Variants in TRERF1 observed in about 807,000 individuals in gnomAD.
TRERF1 encodes transcriptional-regulating factor 1.
In TRERF1, 27 loss-of-function variants were observed where a neutral mutation model predicts 122.9. That is an observed-to-expected ratio of 0.22 (90% CI 0.16 to 0.30). The LOEUF (loss-of-function observed/expected upper bound fraction) is 0.30, where lower values mean the gene tolerates loss of function less well. Among genes scored for constraint, TRERF1 ranks in the 10% least tolerant of loss-of-function variants. The probability of loss-of-function intolerance (pLI) is 1.00; values close to 1 mark genes in which losing one functional copy is unlikely to be tolerated. For missense variants in TRERF1, 1,248 were observed against 1,560.3 expected (o/e 0.80, Z 3.37); for synonymous variants, 636 against 641.7 (o/e 0.99, Z 0.13).
chr6:42,259,238 G>T lies in TRERF1; in HGVS notation c.2269+101C>A. ...GCGTGCTACATACAGCCAATACTCC[G>T]CAAAAGTCTGTGGGATAAATGAGAA... On this transcript the variant is annotated intron_variant, in intron 9 of 17. Coordinates refer to ENST00000372922, the Ensembl canonical transcript of TRERF1. The surrounding 1 kb of genome is among the most constrained non-coding windows in gnomAD (Gnocchi z 4.9). 1.4e-6 allele frequency: 2 copies of T among 1,414,336 alleles called. No homozygotes were observed. Among genetic ancestry groups the T allele is most frequent in the African/African-American group, 1.4e-5 (1 of 69,690 alleles). 87.6% of individuals were successfully genotyped at this position (1,414,336 alleles called of 1,614,324 possible). A position where few individuals can be genotyped will look rare whatever the true frequency, so the allele number is the denominator to read the frequency against.
intron 2 of TRERF1, among the ~76,000 whole-genome samples, chr6:42,432,662 T>C (rs576665301): frequency 6.6e-6 from 1 of 152,208 alleles, no homozygotes; most frequent in African/African-American, 2.4e-5. Context: ...GCCAATATGG[T>C]GAAACCCTGT....
At chr6:42,406,657 T>A (rs1427839129) in intron 2 of TRERF1, among the ~76,000 whole-genome samples, 1 of 152,200 alleles carries the variant, frequency 6.6e-6, no homozygotes, top group Non-Finnish European at 1.5e-5. Context: ...TCCCCCATAC[T>A]GCATCTTAGC....
chr6:42,389,627 A>G (rs1042560195), intron 2 of TRERF1, among the ~76,000 whole-genome samples: 1 of 152,234 alleles, frequency 6.6e-6, no homozygotes, highest in African/African-American at 2.4e-5. Context: ...AATATTATCC[A>G]GCCGTCATTG....
At chr6:42,437,649 C>T (rs553391145) in intron 2 of TRERF1, among the ~76,000 whole-genome samples, 7 of 152,086 alleles carry the variant, frequency 4.6e-5, no homozygotes, top group Admixed American at 2.0e-4. Context: ...TCTGGTAAGG[C>T]GAAATGGGAG....
At chr6:42,360,800 A>AAC in intron 3 of TRERF1, among the ~76,000 whole-genome samples, 1 of 149,316 alleles carries the variant, frequency 6.7e-6, no homozygotes, top group Non-Finnish European at 1.5e-5. Context: ...AAAAAAAAAA[A>AAC]AACCTGGATG....
intron 10 of TRERF1, 34 bp downstream of exon 10, chr6:42,258,101 C>T (rs775476407): frequency 6.3e-7 from 1 of 1,579,250 alleles, no homozygotes; most frequent in Non-Finnish European, 8.7e-7. Flanking sequence ...GAAGCTGAGG[C>T]TTCTGTTCTA....
chr6:42,258,317 T>C (rs1777131453), intron 9 of TRERF1, 116 bp from the exon 10 acceptor site: 3 of 877,726 alleles, frequency 3.4e-6, no homozygotes, highest in South Asian at 3.1e-5. Flanking sequence ...ACCCAGCTCC[T>C]GCCAGAGTTA....
At chr6:42,357,328 C>CAAA (rs35651008) in intron 3 of TRERF1, among the ~76,000 whole-genome samples, 10 of 61,140 alleles carry the variant, frequency 1.6e-4, no homozygotes, top group Middle Eastern at 8.9e-3. Flanking sequence ...GACTCTGTCT[C>CAAA]AAAAAAAAAA....
At chr6:42,360,347 G>C (rs555852302) in intron 3 of TRERF1, among the ~76,000 whole-genome samples, 6 of 152,176 alleles carry the variant, frequency 3.9e-5, no homozygotes, top group Non-Finnish European at 7.4e-5. Context: ...GGTTGAATAA[G>C]CAAATTAGAA....
rs77165586 is a variant in TRERF1, at chr6:42,268,105, G to A, written c.1437+49C>T. ...GATTGAGCACTGCAGACTCAGCCCT[G>A]ACCCTGTAGCACACTGGGTATTGAG... On this transcript the variant is annotated intron_variant, in intron 5 of 17. Coordinates refer to ENST00000372922, the Ensembl canonical transcript of TRERF1. This position sits in a 1 kb window ranked among gnomAD's most constrained non-coding sequence, Gnocchi z 4.4. 2.1e-3 allele frequency: 3,024 copies of A among 1,411,026 alleles called. 62 individuals are homozygous for A. The African/African-American group carries it at 0.038, about 18-fold the overall frequency. 87.4% of individuals were successfully genotyped at this position (1,411,026 alleles called of 1,614,324 possible).
At chr6:42,294,489 C>T (rs1363263654) in intron 4 of TRERF1, among the ~76,000 whole-genome samples, 3 of 151,578 alleles carry the variant, frequency 2.0e-5, no homozygotes, top group Non-Finnish European at 2.9e-5. Flanking sequence ...CTTAATGTTG[C>T]AATTAAAAAA....
At chr6:42,365,558 C>T (rs887957795) in intron 2 of TRERF1, among the ~76,000 whole-genome samples, 2 of 152,168 alleles carry the variant, frequency 1.3e-5, no homozygotes, top group African/African-American at 4.8e-5. Context: ...CTACTAAGTG[C>T]TGGGTGTGTT....
chr6:42,287,905 A>T (rs1783557302), intron 4 of TRERF1, among the ~76,000 whole-genome samples: 1 of 151,906 alleles, frequency 6.6e-6, no homozygotes. Context: ...AGCCCTCACA[A>T]TCTGGTCTCA....
At chr6:42,370,780 A>G (rs1162365537) in intron 2 of TRERF1, among the ~76,000 whole-genome samples, 1 of 152,126 alleles carries the variant, frequency 6.6e-6, no homozygotes, top group Non-Finnish European at 1.5e-5. Flanking sequence ...TGCAGAAGAA[A>G]TGTCCTCACA....
intron 4 of TRERF1, among the ~76,000 whole-genome samples, chr6:42,298,437 T>C (rs1044090588): frequency 6.6e-6 from 1 of 151,774 alleles, no homozygotes; most frequent in Non-Finnish European, 1.5e-5. Context: ...ATTACAGGTA[T>C]GAGCTATTCC....
chr6:42,408,342 C>T (rs868013395), intron 2 of TRERF1, among the ~76,000 whole-genome samples: 3 of 101,806 alleles, frequency 2.9e-5, no homozygotes, highest in African/African-American at 1.1e-4. Flanking sequence ...TATACATACA[C>T]GTGTGTGTGT....
At chr6:42,423,488 G>A (rs556136453) in intron 2 of TRERF1, among the ~76,000 whole-genome samples, 4 of 151,956 alleles carry the variant, frequency 2.6e-5, no homozygotes, top group African/African-American at 4.8e-5. Flanking sequence ...GCAGCCCCGA[G>A]ACAAGGAATC....
In TRERF1 at chr6:42,241,537, C is replaced by T. The variant is rs1012787740; in HGVS notation, c.2859+1711G>A. 5.3e-5 allele frequency among the ~76,000 whole-genome samples: 8 copies of T among 152,150 alleles called. No homozygotes were observed. The East Asian group carries it at 1.6e-3, about 30-fold the overall frequency. On this transcript the variant is annotated intron_variant, in intron 15 of 17. Coordinates refer to ENST00000372922, the Ensembl canonical transcript of TRERF1. ...AGTGCAATGGTGCAATCTCGGCTCA[C>T]CGCAACTTCTGCCTCCTGGGTTCAA...
chr6:42,347,853 C>T (rs564694697), intron 3 of TRERF1, among the ~76,000 whole-genome samples: 1 of 152,208 alleles, frequency 6.6e-6, no homozygotes, highest in African/African-American at 2.4e-5. Flanking sequence ...GTCTGCAGAG[C>T]TTCCCAGAGG....
Sources: gnomAD v4.1 joint callset for allele counts (sites outside exome capture counted in the v4.1 genomes callset) on GRCh38, gnomAD v4.1.1 for gene constraint, Gnocchi (gnomAD v3.1) non-coding constraint, MANE v1.5 for transcripts, NCBI Gene and HGNC (gene_info 2026-07-23, HGNC 2026-07-21) for gene names.